TASP1: variants seen among roughly 807,000 people sequenced by gnomAD.
TASP1 encodes the protein threonine aspartase 1.
TASP1 carries 16 observed loss-of-function variants against 56.6 expected under a neutral mutation model. The ratio of observed to expected loss-of-function variants is 0.28; its 90% CI spans 0.19 to 0.43. TASP1 has a LOEUF of 0.43. Ranked by LOEUF, TASP1 falls within the 20% of genes least tolerant of loss-of-function variation. The pLI is 1.00. For synonymous variants in TASP1, 179 were observed against 184.2 expected (o/e 0.97, Z 0.23); for missense variants, 393 against 511.6 (o/e 0.77, Z 2.24).
chr20:13,204,830 G>A, the TASP1 span, among the ~76,000 whole-genome samples: 1 of 152,084 alleles, frequency 6.6e-6, no homozygotes, highest in Admixed American at 6.5e-5. Context: ...ATCCAGCTAG[G>A]GCCACGTGCA....
the TASP1 span, among the ~76,000 whole-genome samples, chr20:13,249,339 C>T: frequency 1.3e-5 from 2 of 152,190 alleles, no homozygotes; most frequent in South Asian, 4.1e-4. Flanking sequence ...TCCCCTGCCT[C>T]CCACCCCTAG....
chr20:13,229,210 G>T, the TASP1 span, among the ~76,000 whole-genome samples: 3 of 151,694 alleles, frequency 2.0e-5, no homozygotes, highest in Admixed American at 6.6e-5. Context: ...TAAAATGGAT[G>T]AATCTTAAGG....
At chr20:13,546,166 G>A (rs2045802380) in intron 8 of TASP1, among the ~76,000 whole-genome samples, 1 of 150,844 alleles carries the variant, frequency 6.6e-6, no homozygotes. Context: ...ATGTTTGCTG[G>A]TGATAATGTT....
At chr20:13,225,107 C>T in the TASP1 span, among the ~76,000 whole-genome samples, 7 of 151,964 alleles carry the variant, frequency 4.6e-5, no homozygotes, top group Non-Finnish European at 1.0e-4. Flanking sequence ...CCCGCCTTGG[C>T]CTCCCAAAGT....
chr20:13,141,680 T>C, the TASP1 span, among the ~76,000 whole-genome samples: 1 of 152,246 alleles, frequency 6.6e-6, no homozygotes, highest in South Asian at 2.1e-4. Context: ...GCCACTTGGT[T>C]GCCAGCTGGA....
At chr20:13,240,907 G>A in the TASP1 span, among the ~76,000 whole-genome samples, 1 of 152,162 alleles carries the variant, frequency 6.6e-6, no homozygotes, top group South Asian at 2.1e-4. Flanking sequence ...GGATTTATAT[G>A]GGACATGTGG....
At chr20:13,368,534 G>C in the TASP1 span, 1 of 152,176 alleles carries the variant, frequency 6.6e-6, no homozygotes, top group African/African-American at 2.4e-5. Context: ...GTTGAGGGCT[G>C]CTCCAGGGAA....
At chr20:13,299,297 C>T in the TASP1 span, 3 of 1,613,212 alleles carry the variant, frequency 1.9e-6, no homozygotes, top group Non-Finnish European at 2.5e-6. This position sits in a 1 kb window ranked among gnomAD's most constrained non-coding sequence, Gnocchi z 5.8. Flanking sequence ...CCGAGTTCTC[C>T]GCGGAGCTCC....
At chr20:13,288,449 G>T in the TASP1 span, 1 of 1,375,532 alleles carries the variant, frequency 7.3e-7, no homozygotes, top group Non-Finnish European at 1.0e-6. Flanking sequence ...CAGCGAGAAG[G>T]ATAGAAGTGA....
At chr20:13,438,254 A>G (rs1321418880) in intron 11 of TASP1, among the ~76,000 whole-genome samples, 29 of 152,216 alleles carry the variant, frequency 1.9e-4, no homozygotes, top group African/African-American at 6.8e-4. Context: ...ACTTCAAACT[A>G]TACTACAAGG....
At chr20:13,150,562 C>T in the TASP1 span, among the ~76,000 whole-genome samples, 1 of 152,188 alleles carries the variant, frequency 6.6e-6, no homozygotes, top group East Asian at 1.9e-4. Context: ...GTTGATAAAA[C>T]CAAGGAACAC....
At chr20:13,230,909 G>T in the TASP1 span, among the ~76,000 whole-genome samples, 11 of 152,270 alleles carry the variant, frequency 7.2e-5, no homozygotes, top group African/African-American at 2.4e-4. Context: ...ATCAAGTCCA[G>T]TGCTGACAAA....
At chr20:13,239,390 C>T in the TASP1 span, 1 of 152,194 alleles carries the variant, frequency 6.6e-6, no homozygotes, top group Non-Finnish European at 1.5e-5. Context: ...ATGGCCTTGG[C>T]CTTAAGTTTT....
chr20:13,214,519 G>GCACA, the TASP1 span, among the ~76,000 whole-genome samples: 1,226 of 115,756 alleles, frequency 0.011, 10 homozygotes, highest in East Asian at 0.018. Flanking sequence ...ACAGAGACAG[G>GCACA]CACACACACA....
the TASP1 span, among the ~76,000 whole-genome samples, chr20:13,280,854 G>A: frequency 2.6e-5 from 4 of 152,128 alleles, no homozygotes; most frequent in South Asian, 2.1e-4. Context: ...GATTTTGTGG[G>A]GAATCAGGCA....
chr20:13,531,783 C>T (rs2045230100), intron 9 of TASP1, among the ~76,000 whole-genome samples: 1 of 152,032 alleles, frequency 6.6e-6, no homozygotes, highest in Non-Finnish European at 1.5e-5. Context: ...CTTGCCTTAT[C>T]CCCCCCAACT....
the TASP1 span, among the ~76,000 whole-genome samples, chr20:13,205,374 T>C: frequency 5.6e-4 from 86 of 152,308 alleles, no homozygotes; most frequent in African/African-American, 2.0e-3. Context: ...TCCCCAGAGA[T>C]GGCCTCCCTC....
At chr20:13,621,190 G>A (rs1355434434) in intron 4 of TASP1, among the ~76,000 whole-genome samples, 1 of 151,906 alleles carries the variant, frequency 6.6e-6, no homozygotes, top group Non-Finnish European at 1.5e-5. Flanking sequence ...TTGGGAGGCC[G>A]AGGTGGGTGG....
At chr20:13,518,754 G>T (rs1024125249) in intron 10 of TASP1, among the ~76,000 whole-genome samples, 30 of 151,852 alleles carry the variant, frequency 2.0e-4, no homozygotes, top group African/African-American at 6.3e-4. Flanking sequence ...TTTAGAGCAG[G>T]GTAGAAAATA....
Sources: allele counts gnomAD v4.1 joint callset (sites outside exome capture counted in the v4.1 genomes callset), GRCh38; gene constraint gnomAD v4.1.1; non-coding constraint Gnocchi (gnomAD v3.1); transcripts MANE v1.5; gene names NCBI Gene and HGNC (gene_info 2026-07-23, HGNC 2026-07-21).